The following MYOM2 variants were observed in gnomAD, a reference collection of about 807,000 sequenced individuals.
MYOM2 encodes the protein myomesin 2.
In MYOM2, 254 loss-of-function variants were observed where a neutral mutation model predicts 187.6. That is an observed-to-expected ratio of 1.35 (90% CI 1.22 to 1.50). The LOEUF (loss-of-function observed/expected upper bound fraction) is 1.50, where lower values mean the gene tolerates loss of function less well. MYOM2 is among the 40% of genes most tolerant of loss of function. The pLI, the probability that MYOM2 is intolerant of heterozygous loss-of-function variation, is 0.00. For missense variants in MYOM2, 2,796 were observed against 1,924.0 expected (o/e 1.45, Z -8.48); for synonymous variants, 981 against 753.8 (o/e 1.30, Z -4.94).
Position 2,130,767 on chromosome 8 carries a change from T to G in MYOM2, c.3800+1535T>G, listed in dbSNP as rs75201689. ...GAAAGTGTATTGAAGGCAGGGTCTT[T>G]TTTTAAAGGACTGTGATAACAGGAG... On this transcript the variant is annotated intron_variant, in intron 32 of 36. Coordinates refer to ENST00000262113, the MANE Select transcript of MYOM2 (RefSeq NM_003970.4). 4.9e-3 allele frequency among the ~76,000 whole-genome samples: 745 copies of G among 152,320 alleles called. 3 individuals carry two copies. The highest frequency in any genetic ancestry group is 8.1e-3 in the Non-Finnish European group (548 of 68,028).
At chr8:2,089,968 CG>C in intron 14 of MYOM2, 39 bp from the exon 15 acceptor site, 2 of 1,603,556 alleles carry the variant, frequency 1.2e-6, no homozygotes, top group Non-Finnish European at 1.7e-6. Flanking sequence ...GGGGACCTCG[CG>C]GTTTTCACTG....
chr8:2,055,333 T>A (rs1818628360), intron 3 of MYOM2, among the ~76,000 whole-genome samples: 1 of 152,150 alleles, frequency 6.6e-6, no homozygotes, highest in Non-Finnish European at 1.5e-5. Flanking sequence ...GGCTGTGATT[T>A]GAGGGTGGCC....
chr8:2,114,581 T>C (rs1481624576), intron 25 of MYOM2, among the ~76,000 whole-genome samples: 1 of 152,206 alleles, frequency 6.6e-6, no homozygotes, highest in Non-Finnish European at 1.5e-5. Flanking sequence ...TTCAAGCTCA[T>C]GCCTCAGCCT....
In MYOM2 at chr8:2,073,507, G is replaced by T. The variant is rs749099421; in HGVS notation, c.1120+7G>T. ...GCCTTCCTGTTTGTCAGAGGTGCGG[G>T]CAGCAGGGTTCTCAGGGTGCAGACC... On this transcript the variant is annotated splice_region_variant and intron_variant, in intron 10 of 36. Coordinates refer to ENST00000262113, the MANE Select transcript of MYOM2 (RefSeq NM_003970.4). The T allele has an allele frequency of 6.3e-7, 1 of 1,593,698 alleles. No homozygotes were observed. Among genetic ancestry groups the T allele is most frequent in the Admixed American group, 1.7e-5 (1 of 58,920 alleles).
chr8:2,094,310 A>G (rs1285422252), intron 17 of MYOM2, among the ~76,000 whole-genome samples: 1 of 152,170 alleles, frequency 6.6e-6, no homozygotes, highest in African/African-American at 2.4e-5. Context: ...ATAAAACGCA[A>G]ATTAAAAATA....
chr8:2,106,730 T>A, intron 23 of MYOM2, 133 bp downstream of exon 23: 1 of 631,554 alleles, frequency 1.6e-6, no homozygotes, highest in East Asian at 2.8e-5. Flanking sequence ...GGGGGCTATG[T>A]ATATAAGCCA....
intron 19 of MYOM2, 68 bp from the exon 20 acceptor site, chr8:2,100,808 C>T: frequency 6.5e-7 from 1 of 1,538,858 alleles, no homozygotes; most frequent in East Asian, 2.3e-5. Flanking sequence ...GTCCCCGGGG[C>T]TGGGTTGGGC....
In MYOM2 at chr8:2,083,198, C is replaced by G. The variant is rs577624512; in HGVS notation, c.1517-2065C>G. Among the ~76,000 whole-genome samples, 6 of 152,352 alleles carry G rather than the reference C, an allele frequency of 3.9e-5. No individual in the cohort carries two copies. The South Asian group carries it at 1.2e-3, about 32-fold the overall frequency. Reference sequence around the variant, plus strand: ...AGCATGTGTGTTTATATATCTCTCACTGGTTCATTTAGTATTGACTTGGCC... The same window carrying G: ...AGCATGTGTGTTTATATATCTCTCAGTGGTTCATTTAGTATTGACTTGGCC... On this transcript the variant is annotated intron_variant, in intron 13 of 36. Coordinates refer to ENST00000262113, the MANE Select transcript of MYOM2 (RefSeq NM_003970.4).
intron 20 of MYOM2, 22 bp from the exon 21 acceptor site, chr8:2,102,645 G>C (rs1056606808): frequency 1.3e-6 from 2 of 1,528,656 alleles, no homozygotes; most frequent in African/African-American, 2.7e-5. Context: ...CACACATCTG[G>C]TGTTTCCTCT....
chr8:2,066,177 C>T (rs923446735), intron 6 of MYOM2, among the ~76,000 whole-genome samples: 2 of 152,176 alleles, frequency 1.3e-5, no homozygotes, highest in Non-Finnish European at 2.9e-5. Flanking sequence ...TGAGTCCTGC[C>T]CTGGTCCAGC....
At chr8:2,064,757 A>G (rs1818961070) in intron 6 of MYOM2, among the ~76,000 whole-genome samples, 1 of 151,352 alleles carries the variant, frequency 6.6e-6, no homozygotes, top group South Asian at 2.1e-4. Context: ...TGGGGAACAC[A>G]TCTCCCTCCT....
At position 2,126,535 on chromosome 8, in the gene MYOM2, CACTT is replaced by C. The variant is rs1437186643; in HGVS notation, c.3694+2322_3694+2325del. On this transcript the variant is annotated intron_variant, in intron 31 of 36. Transcript: ENST00000262113. ...ACACTGACACACACACTCATACACA[CACTT>C]ACTCATATGGGCACACACTTGTGTA... Among the ~76,000 whole-genome samples, 19 of 152,216 alleles carry C rather than the reference CACTT, an allele frequency of 1.2e-4. No homozygotes were observed. The East Asian group carries it at 1.3e-3, about 11-fold the overall frequency.
chr8:2,065,546 G>C (rs1445124774), intron 6 of MYOM2, among the ~76,000 whole-genome samples: 1 of 152,080 alleles, frequency 6.6e-6, no homozygotes, highest in African/African-American at 2.4e-5. Context: ...CTTCAGCCCG[G>C]GTGACAGTGT....
Position 2,076,202 on chromosome 8 carries a change from CA to C in MYOM2, c.1184del (p.Asn395ThrfsTer7). On this transcript the variant is annotated frameshift_variant, in exon 11 of 37. Coordinates refer to ENST00000262113, the MANE Select transcript of MYOM2 (RefSeq NM_003970.4). LOFTEE classifies it high-confidence loss of function. ...APMDLQCHDA[N>X]RDYVIVTWKP... The stretch of plus-strand genomic sequence containing the variant: ...CCATGGACTTGCAGTGCCACGACGC[CA>C]ACCGGGACTACGTCATCGTGACCTG... 1 of 1,613,598 alleles carries C rather than the reference CA, an allele frequency of 6.2e-7. No individual in the cohort carries two copies. The highest frequency in any genetic ancestry group is 8.5e-7 in the Non-Finnish European group (1 of 1,179,922).
At position 2,058,209 on chromosome 8, in the gene MYOM2, G is replaced by C. The variant is rs1399929978; in HGVS notation, c.560+429G>C. Among the ~76,000 whole-genome samples, 13 of 151,826 alleles carry C rather than the reference G, an allele frequency of 8.6e-5. No individual in the cohort carries two copies. The East Asian group carries it at 2.5e-3, about 29-fold the overall frequency. ...AATTTTTGTATTTTTAGTAGAGATG[G>C]GGTTTCACCATGTTGGCCAGGCTGA... On this transcript the variant is annotated intron_variant, in intron 5 of 36. Transcript: ENST00000262113.
chr8:2,048,803 T>G (rs1818388796), intron 1 of MYOM2, among the ~76,000 whole-genome samples: 2 of 151,494 alleles, frequency 1.3e-5, no homozygotes, highest in African/African-American at 4.8e-5. Flanking sequence ...TTTATTTTTT[T>G]TTTTGAGATG....
At position 2,145,124 on chromosome 8, in the gene MYOM2, C is replaced by T. The variant is rs1453793872; in HGVS notation, c.*143C>T. The T allele has an allele frequency of 9.0e-6, 8 of 890,910 alleles. No individual in the cohort carries two copies. The highest frequency in any genetic ancestry group is 2.7e-5 in the East Asian group (1 of 37,542). 55.2% of individuals were successfully genotyped at this position (890,910 alleles called of 1,614,324 possible). A position where few individuals can be genotyped will look rare whatever the true frequency, so the allele number is the denominator to read the frequency against. ...TCACACATTGTGCTTTTGATTTTTG[C>T]ATTTGGTGATGAATATTTTATACCC... is the stretch of plus-strand genomic sequence containing the variant. On this transcript the variant is annotated 3_prime_UTR_variant, in exon 37 of 37. Coordinates refer to ENST00000262113, the MANE Select transcript of MYOM2 (RefSeq NM_003970.4).
chr8:2,099,088 T>G, intron 19 of MYOM2, 105 bp downstream of exon 19: 1 of 1,390,024 alleles, frequency 7.2e-7, no homozygotes, highest in Non-Finnish European at 9.6e-7. Flanking sequence ...AGCGTGTCTG[T>G]TCCTCCGACA....
intron 36 of MYOM2, 29 bp from the exon 37 acceptor site, chr8:2,144,635 C>T (rs146816367): frequency 3.7e-6 from 6 of 1,606,722 alleles, no homozygotes; most frequent in South Asian, 1.1e-5. Context: ...TCTAACTCTT[C>T]CTTCTCCACC....
Sources: allele counts gnomAD v4.1 joint callset (sites outside exome capture counted in the v4.1 genomes callset), GRCh38; gene constraint gnomAD v4.1.1; transcripts MANE v1.5; gene names NCBI Gene and HGNC (gene_info 2026-07-23, HGNC 2026-07-21).